The following FGGY variants were observed in gnomAD, a reference collection of about 807,000 sequenced individuals.
FGGY encodes the protein FGGY carbohydrate kinase domain containing, also known as FGGY carbohydrate kinase domain-containing protein.
A neutral mutation model predicts 71.3 loss-of-function variants in FGGY; 72 were observed. That is an observed-to-expected ratio of 1.01 (90% CI 0.84 to 1.23). FGGY has a LOEUF of 1.23. FGGY is among the 50% of genes most tolerant of loss of function. FGGY has a pLI of 0.00. For missense variants in FGGY, 668 were observed against 682.3 expected (o/e 0.98, Z 0.23); for synonymous variants, 251 against 250.3 (o/e 1.00, Z -0.02).
chr1:59,438,738 A>G (rs1408121041), intron 5 of FGGY, among the ~76,000 whole-genome samples: 2 of 152,202 alleles, frequency 1.3e-5, no homozygotes, highest in Non-Finnish European at 2.9e-5. Context: ...GGTATGATGT[A>G]TTTCAATTGA....
intron 8 of FGGY, among the ~76,000 whole-genome samples, chr1:59,599,686 CAAAAAAAAAAA>C (rs76397509): frequency 2.0e-5 from 1 of 49,428 alleles, no homozygotes; most frequent in Non-Finnish European, 4.2e-5. Flanking sequence ...GAGCAAGACT[CAAAAAAAAAAA>C]AAAAAAAAAA....
intron 6 of FGGY, among the ~76,000 whole-genome samples, chr1:59,476,839 C>T (rs1010967042): frequency 2.0e-5 from 3 of 152,170 alleles, no homozygotes; most frequent in Non-Finnish European, 4.4e-5. Context: ...TTCTTTCCTC[C>T]CTCTCTGTCT....
intron 8 of FGGY, among the ~76,000 whole-genome samples, chr1:59,559,369 C>T (rs1460625895): frequency 6.6e-6 from 1 of 152,226 alleles, no homozygotes; most frequent in Admixed American, 6.5e-5. Context: ...TCTGCTGCAG[C>T]TCCAGCCAGT....
intron 14 of FGGY, chr1:59,697,627 A>G (rs1430625223): frequency 7.7e-7 from 1 of 1,292,866 alleles, no homozygotes; most frequent in Non-Finnish European, 1.0e-6. Flanking sequence ...CGTGCTTAAC[A>G]TTTTTGTGAC....
intron 14 of FGGY, among the ~76,000 whole-genome samples, chr1:59,702,353 A>G (rs114923327): frequency 6.6e-6 from 1 of 152,180 alleles, no homozygotes; most frequent in Non-Finnish European, 1.5e-5. Context: ...GCAGACTCAT[A>G]TGGAGACCTA....
intron 4 of FGGY, among the ~76,000 whole-genome samples, chr1:59,371,620 G>A (rs973427752): frequency 1.4e-4 from 21 of 151,830 alleles, no homozygotes; most frequent in South Asian, 2.1e-4. Flanking sequence ...TTTCAGCACC[G>A]CACCACACCT....
chr1:59,403,140 A>T (rs1336665065), intron 5 of FGGY, among the ~76,000 whole-genome samples: 2 of 152,224 alleles, frequency 1.3e-5, no homozygotes, highest in Non-Finnish European at 2.9e-5. Context: ...AAAAGAAGCT[A>T]TGAGTTACCA....
At chr1:59,664,835 T>C (rs1310586053) in intron 12 of FGGY, among the ~76,000 whole-genome samples, 1 of 152,230 alleles carries the variant, frequency 6.6e-6, no homozygotes, top group Non-Finnish European at 1.5e-5. Context: ...TATTACTAGA[T>C]TTCATCAAGC....
intron 4 of FGGY, among the ~76,000 whole-genome samples, chr1:59,374,106 G>C (rs1260082876): frequency 2.6e-5 from 4 of 152,160 alleles, no homozygotes; most frequent in East Asian, 1.9e-4. Flanking sequence ...TACCATCAGA[G>C]TGAACAGGCA....
chr1:59,686,847 C>T (rs1222310255), intron 14 of FGGY, among the ~76,000 whole-genome samples: 4 of 152,164 alleles, frequency 2.6e-5, no homozygotes, highest in Non-Finnish European at 4.4e-5. Flanking sequence ...CTATTAAGAA[C>T]ACATACCTCA....
At chr1:59,447,801 A>G (rs1429660269) in intron 5 of FGGY, among the ~76,000 whole-genome samples, 1 of 151,742 alleles carries the variant, frequency 6.6e-6, no homozygotes, top group Non-Finnish European at 1.5e-5. Flanking sequence ...AGTTTATTAA[A>G]CCTCTTTTTC....
At chr1:59,475,178 CT>C (rs1558055754) in intron 6 of FGGY, among the ~76,000 whole-genome samples, 1 of 152,084 alleles carries the variant, frequency 6.6e-6, no homozygotes, top group African/African-American at 2.4e-5. Context: ...TTCACACAAC[CT>C]TTTTCCAACC....
At chr1:59,340,180 A>G in intron 3 of FGGY, 111 bp downstream of exon 3, 2 of 703,638 alleles carry the variant, frequency 2.8e-6, no homozygotes, top group Non-Finnish European at 4.8e-6. Context: ...AGTAAAATTT[A>G]GAGGTAGAGT....
At chr1:59,431,213 T>C (rs2067303225) in intron 5 of FGGY, among the ~76,000 whole-genome samples, 1 of 152,212 alleles carries the variant, frequency 6.6e-6, no homozygotes. Context: ...TCTTTAAATG[T>C]AAATCTGATA....
chr1:59,535,574 A>C (rs1182976937), intron 7 of FGGY, among the ~76,000 whole-genome samples: 1 of 152,088 alleles, frequency 6.6e-6, no homozygotes, highest in Admixed American at 6.6e-5. Context: ...TTGACCACAT[A>C]GTTGGAAGCA....
intron 14 of FGGY, among the ~76,000 whole-genome samples, chr1:59,709,636 G>A (rs896102510): frequency 7.9e-5 from 12 of 152,182 alleles, no homozygotes; most frequent in East Asian, 3.9e-4. Flanking sequence ...TGAGAGGAGC[G>A]GAGGAAACAT....
At chr1:59,441,726 A>G (rs1258925256) in intron 5 of FGGY, among the ~76,000 whole-genome samples, 1 of 152,192 alleles carries the variant, frequency 6.6e-6, no homozygotes, top group Non-Finnish European at 1.5e-5. Flanking sequence ...AAGAGCAAGG[A>G]GGATATCTTA....
At chr1:59,499,138 C>T (rs1304506807) in intron 6 of FGGY, among the ~76,000 whole-genome samples, 1 of 152,070 alleles carries the variant, frequency 6.6e-6, no homozygotes, top group Non-Finnish European at 1.5e-5. Flanking sequence ...CCTCTGGTGC[C>T]AGAGCTGTTG....
chr1:59,426,084 G>A (rs1292691919), intron 5 of FGGY, among the ~76,000 whole-genome samples: 1 of 152,114 alleles, frequency 6.6e-6, no homozygotes, highest in Non-Finnish European at 1.5e-5. Flanking sequence ...TACCCTTAGA[G>A]CTCCTGTCTC....
Sources: gnomAD v4.1 joint callset for allele counts (sites outside exome capture counted in the v4.1 genomes callset) on GRCh38, gnomAD v4.1.1 for gene constraint, MANE v1.5 for transcripts, NCBI Gene and HGNC (gene_info 2026-07-23, HGNC 2026-07-21) for gene names.